The following FGF17 variants were observed in gnomAD, a reference collection of about 807,000 sequenced individuals.
The protein encoded by FGF17 is fibroblast growth factor 17.
FGF17 carries 5 observed loss-of-function variants against 23.5 expected under a neutral mutation model. That is an observed-to-expected ratio of 0.21 (90% CI 0.11 to 0.45). FGF17 has a LOEUF of 0.45. Among genes scored for constraint, FGF17 ranks in the 20% least tolerant of loss-of-function variants. The pLI, the probability that FGF17 is intolerant of heterozygous loss-of-function variation, is 0.99. For missense variants in FGF17, 221 were observed against 306.9 expected (o/e 0.72, Z 2.09); for synonymous variants, 136 against 123.0 (o/e 1.11, Z -0.70).
chr8:22,047,853 G>T (rs1295068148), intron 4 of FGF17, 103 bp from the exon 5 acceptor site: 1 of 1,177,022 alleles, frequency 8.5e-7, no homozygotes, highest in Non-Finnish European at 1.2e-6. Context: ...CGGCCCCGTT[G>T]TTCCCGTTGT....
rs986724817 is a variant in FGF17, at chr8:22,047,968, A to G, written c.370A>G (p.Ser124Gly). 1.2e-6 allele frequency: 2 copies of G among 1,602,406 alleles called. No homozygotes were observed. The highest frequency in any genetic ancestry group is 8.5e-7 in the Non-Finnish European group (1 of 1,170,526). ...GCTTCTCCCGCAGCCCAGCGGGAAG[A>G]GCAAAGACTGCGTGTTCACGGAGAT... ...GKLIGKPSGK[S>G]KDCVFTEIVL... The change falls in exon 5 of 5, where the codon AGC becomes GGC. Residue 124 changes from serine (S) to glycine (G), a missense_variant. Ser to Gly is a moderately conservative substitution (Grantham distance 56, BLOSUM62 0). This residue lies in a region of FGF17 where 128 missense variants were observed against 150.4 expected (regional missense o/e 0.85). Transcript: ENST00000359441.
intron 2 of FGF17, chr8:22,044,961 G>A: frequency 1.0e-6 from 1 of 985,798 alleles, no homozygotes; most frequent in Non-Finnish European, 1.2e-6. Flanking sequence ...CAGGGGCTGA[G>A]AAAAGCTGTC....
At position 22,042,933 on chromosome 8, in the gene FGF17, G is replaced by T; in HGVS notation, c.5G>T (p.Gly2Val). The change falls in exon 1 of 5, where the codon GGA becomes GTA. Residue 2 changes from glycine (G) to valine (V), a missense_variant. Gly to Val is a moderately radical substitution (Grantham distance 109). Coordinates refer to ENST00000359441, the MANE Select transcript of FGF17 (RefSeq NM_003867.4). ...GCCTGAGGAACCTCTCCAGCGATGG[G>T]AGCCGCCCGCCTGCTGCCCAACCTC... M[G>V]AARLLPNLTL... The T allele has an allele frequency of 6.2e-7, 1 of 1,613,338 alleles. No homozygotes were observed.
Position 22,042,886 on chromosome 8 carries a change from G to T in FGF17, c.-43G>T. On this transcript the variant is annotated 5_prime_UTR_variant, in exon 1 of 5. Coordinates refer to ENST00000359441, the MANE Select transcript of FGF17 (RefSeq NM_003867.4). ...GGGGACTTCCCACATCTGCTCCTGA[G>T]CTTGGGGGCAGGGGGGCAACCGCCT... 6.2e-7 allele frequency: 1 copy of T among 1,611,390 alleles called. No homozygotes were observed.
chr8:22,041,866 G>A (rs1188081963), upstream of FGF17, among the ~76,000 whole-genome samples: 1 of 152,226 alleles, frequency 6.6e-6, no homozygotes, highest in Non-Finnish European at 1.5e-5. Context: ...GTCATGGGAA[G>A]AGGCTGGTAG....
At chr8:22,042,196 G>C (rs3176260), upstream of FGF17, among the ~76,000 whole-genome samples, 1 of 152,122 alleles carries the variant, frequency 6.6e-6, no homozygotes, top group Non-Finnish European at 1.5e-5. Flanking sequence ...TCTCCATTGG[G>C]ATTCTTCCTA....
rs1450066360 is a variant in FGF17 at position 22,046,533 on chromosome 8, T to C, written c.257T>C (p.Leu86Pro). The change falls in exon 4 of 5, where the codon CTC (leucine) becomes CCC (proline). Residue 86 changes from leucine (L) to proline (P), a missense_variant. Around this residue, in one of 3 missense-constraint regions of FGF17, gnomAD observed 58 missense variants for 121.0 expected, o/e 0.48. Transcript: ENST00000359441. ...TAEDGNKFAK[L>P]IVETDTFGSR... ...CTCCCCTCCCCCACCACAGCCAAGC[T>C]CATAGTGGAGACGGACACGTTTGGC... is the stretch of plus-strand genomic sequence containing the variant. The C allele has an allele frequency of 1.2e-6, 2 of 1,612,694 alleles. No homozygotes were observed. The highest frequency in any genetic ancestry group is 8.5e-7 in the Non-Finnish European group (1 of 1,179,198).
chr8:22,048,013 A>T lies in FGF17; in HGVS notation c.415A>T (p.Thr139Ser). The T allele has an allele frequency of 6.2e-7, 1 of 1,613,134 alleles. No individual in the cohort carries two copies. The highest frequency in any genetic ancestry group is 8.5e-7 in the Non-Finnish European group (1 of 1,179,420). ...FTEIVLENNY[T>S]AFQNARHEGW... ...GGAGATCGTGCTGGAGAACAACTATACGGCCTTCCAGAACGCCCGGCACGA... is the reference window on the plus strand; with the variant it reads ...GGAGATCGTGCTGGAGAACAACTATTCGGCCTTCCAGAACGCCCGGCACGA... The change falls in exon 5 of 5, where the codon ACG becomes TCG. Residue 139 changes from threonine to serine, a missense_variant. By Grantham distance (58) the Thr-to-Ser change is moderately conservative. Coordinates refer to ENST00000359441, the MANE Select transcript of FGF17 (RefSeq NM_003867.4). This position sits in a 1 kb window ranked among gnomAD's most constrained non-coding sequence, Gnocchi z 6.9.
In FGF17 at chr8:22,045,601, C is replaced by T. The variant is rs938476490; in HGVS notation, c.73-513C>T. On this transcript the variant is annotated intron_variant, in intron 2 of 4. Coordinates refer to ENST00000359441, the MANE Select transcript of FGF17 (RefSeq NM_003867.4). ...CATGCTCTCTGGTGACCCTAACTCG[C>T]AGCACCATCTGCTCTGTGCCCGTGT... 5.9e-6 allele frequency: 6 copies of T among 1,014,826 alleles called. No homozygotes were observed. In the Admixed American group the frequency reaches 3.2e-4, roughly 54 times the overall value. 62.9% of individuals were successfully genotyped at this position (1,014,826 alleles called of 1,614,324 possible).
chr8:22,040,047 A>G (rs970728687), upstream of FGF17, among the ~76,000 whole-genome samples: 3 of 148,604 alleles, frequency 2.0e-5, no homozygotes, highest in African/African-American at 7.4e-5. Context: ...CCCCCCCAGC[A>G]ATGAATGTTA....
At chr8:22,046,394 G>A in intron 3 of FGF17, 103 bp downstream of exon 3, 2 of 1,468,960 alleles carry the variant, frequency 1.4e-6, no homozygotes, top group Non-Finnish European at 1.9e-6. Context: ...TCAGGGCTGA[G>A]GGCCCCAAGG....
intron 2 of FGF17, chr8:22,045,193 G>A (rs1800838152): frequency 1.0e-6 from 1 of 985,526 alleles, no homozygotes. Context: ...ACAGTGCGTG[G>A]GGGGAAATGG....
chr8:22,048,408 C>T lies in FGF17; in HGVS notation c.*159C>T, dbSNP rs1487376808. The T allele has an allele frequency of 3.3e-5, 23 of 696,110 alleles. No individual in the cohort carries two copies. The highest frequency in any genetic ancestry group is 4.9e-5 in the Non-Finnish European group (21 of 425,608). The allele number at this position is 696,110 out of a possible 1,614,324, so 43.1% of individuals were successfully genotyped here. On this transcript the variant is annotated 3_prime_UTR_variant, in exon 5 of 5. Transcript: ENST00000359441. This position sits in a 1 kb window ranked among gnomAD's most constrained non-coding sequence, Gnocchi z 6.9. ...AGCCCCCAGCTGGGAAGGGGCAGGC[C>T]GGTGCCCCAGGGGCGGCTGGCACAG...
intron 2 of FGF17, chr8:22,044,501 G>C (rs1800815206): frequency 6.0e-6 from 1 of 166,516 alleles, no homozygotes; most frequent in Non-Finnish European, 1.2e-5. Flanking sequence ...GGGCTTCGGG[G>C]GGGCGCTTTC....
intron 2 of FGF17, among the ~76,000 whole-genome samples, chr8:22,043,750 C>G (rs530561748): frequency 3.6e-4 from 45 of 126,720 alleles, no homozygotes; most frequent in African/African-American, 1.3e-3. Context: ...CACCCCAAGT[C>G]GGCCCCCCAC....
chr8:22,046,409 G>A (rs1290623381), intron 3 of FGF17, 118 bp downstream of exon 3: 1 of 1,443,714 alleles, frequency 6.9e-7, no homozygotes, highest in East Asian at 2.3e-5. Flanking sequence ...CCAAGGGCCT[G>A]AGTGTCCCCA....
intron 3 of FGF17, 82 bp from the exon 4 acceptor site, chr8:22,046,445 A>T: frequency 2.1e-6 from 3 of 1,425,490 alleles, no homozygotes; most frequent in Non-Finnish European, 2.9e-6. Flanking sequence ...TCTGGAGGTC[A>T]GTGTGGCTGG....
At chr8:22,042,677 G>A (rs1455200382), upstream of FGF17, 9 of 601,044 alleles carry the variant, frequency 1.5e-5, no homozygotes, top group East Asian at 2.8e-5. Context: ...GCCCCCACCC[G>A]CATCTGCTTT....
At chr8:22,040,737 G>T (rs1315917512), upstream of FGF17, among the ~76,000 whole-genome samples, 2 of 152,102 alleles carry the variant, frequency 1.3e-5, no homozygotes, top group African/African-American at 4.8e-5. Context: ...CCCACCTTTC[G>T]CCCCCCAGCT....
Sources: gnomAD v4.1 joint callset for allele counts (sites outside exome capture counted in the v4.1 genomes callset) on GRCh38, gnomAD v4.1.1 for gene constraint, gnomAD v4.1.1 regional missense constraint, Gnocchi (gnomAD v3.1) non-coding constraint, MANE v1.5 for transcripts, NCBI Gene and HGNC (gene_info 2026-07-23, HGNC 2026-07-21) for gene names.